Variants in BTRC observed in about 807,000 individuals in gnomAD.
BTRC encodes F-box/WD repeat-containing protein 1A.
A neutral mutation model predicts 85.5 loss-of-function variants in BTRC; 42 were observed. The ratio of observed to expected loss-of-function variants is 0.49; its 90% confidence interval spans 0.38 to 0.64. The LOEUF is 0.64. Ranked by LOEUF, BTRC falls within the 30% of genes least tolerant of loss-of-function variation. The pLI, the probability that BTRC is intolerant of heterozygous loss-of-function variation, is 0.00. For synonymous variants in BTRC, 255 were observed against 263.3 expected (o/e 0.97, Z 0.30); for missense variants, 594 against 743.5 (o/e 0.80, Z 2.34).
At chr10:101,485,576 G>A (rs769683253) in intron 4 of BTRC, among the ~76,000 whole-genome samples, 15 of 152,124 alleles carry the variant, frequency 9.9e-5, no homozygotes, top group East Asian at 1.9e-4. Flanking sequence ...TAAAACTTTC[G>A]GTAGTTCTTT....
intron 13 of BTRC, among the ~76,000 whole-genome samples, chr10:101,548,964 A>G (rs1343588197): frequency 1.3e-5 from 2 of 151,332 alleles, no homozygotes; most frequent in Non-Finnish European, 2.9e-5. Flanking sequence ...GAGGCAGGAG[A>G]ATCGCTTGAA....
chr10:101,365,519 A>G (rs1207145975), intron 1 of BTRC, among the ~76,000 whole-genome samples: 1 of 151,652 alleles, frequency 6.6e-6, no homozygotes, highest in African/African-American at 2.4e-5. Flanking sequence ...CTTGTTGCAC[A>G]GGCTGGAGTG....
intron 4 of BTRC, among the ~76,000 whole-genome samples, chr10:101,484,607 C>T: frequency 6.6e-6 from 1 of 152,186 alleles, no homozygotes; most frequent in East Asian, 1.9e-4. Flanking sequence ...TAACAGGCTT[C>T]TTTAAGATAC....
intron 1 of BTRC, among the ~76,000 whole-genome samples, chr10:101,393,838 A>G (rs1943297616): frequency 6.6e-6 from 1 of 152,210 alleles, no homozygotes; most frequent in South Asian, 2.1e-4. Flanking sequence ...ATGAAAATGC[A>G]TTGTGGCAGA....
intron 1 of BTRC, among the ~76,000 whole-genome samples, chr10:101,387,908 T>C (rs750131887): frequency 6.6e-6 from 1 of 152,110 alleles, no homozygotes; most frequent in Non-Finnish European, 1.5e-5. Flanking sequence ...CAGGCTGGTC[T>C]TGAACTCCTG....
intron 1 of BTRC, among the ~76,000 whole-genome samples, chr10:101,358,619 A>T (rs976370412): frequency 6.6e-6 from 1 of 152,226 alleles, no homozygotes; most frequent in Admixed American, 6.5e-5. Flanking sequence ...CTCAAATCTG[A>T]TGGTTTTTCT....
intron 14 of BTRC, 79 bp downstream of exon 14, chr10:101,550,970 C>CT: frequency 7.5e-7 from 1 of 1,336,628 alleles, no homozygotes. Context: ...GTTCATGGAA[C>CT]TTTCTCCTGC....
At chr10:101,539,968 A>C (rs1054929792) in intron 13 of BTRC, among the ~76,000 whole-genome samples, 1 of 152,122 alleles carries the variant, frequency 6.6e-6, no homozygotes, top group Non-Finnish European at 1.5e-5. Flanking sequence ...ATCTTTTCCC[A>C]TTTTTTAATT....
intron 1 of BTRC, among the ~76,000 whole-genome samples, chr10:101,377,328 G>A (rs934093401): frequency 2.0e-5 from 3 of 152,192 alleles, no homozygotes; most frequent in African/African-American, 7.2e-5. Context: ...TCTGGTTTTG[G>A]TGATTATAAA....
At chr10:101,391,354 G>T (rs570014596) in intron 1 of BTRC, among the ~76,000 whole-genome samples, 2 of 152,280 alleles carry the variant, frequency 1.3e-5, no homozygotes, top group South Asian at 4.1e-4. Flanking sequence ...TGGAAGTAGA[G>T]ATCTAATTTA....
chr10:101,526,083 A>G lies in BTRC; in HGVS notation c.627A>G (p.Glu209=). The change falls in exon 6 of 15, where the codon GAA becomes GAG. Residue 209 remains glutamate, a synonymous_variant. Coordinates refer to ENST00000370187, the MANE Select transcript of BTRC (RefSeq NM_033637.4). ...YLDAKSLCAA[E]LVCKEWYRVT... Reference sequence around the variant, plus strand: ...ATGCCAAATCACTATGTGCTGCTGAACTTGTGTGCAAGGAATGGTACCGAG... The same window carrying G: ...ATGCCAAATCACTATGTGCTGCTGAGCTTGTGTGCAAGGAATGGTACCGAG... 2 of 1,614,142 alleles carry G rather than the reference A, an allele frequency of 1.2e-6. No individual in the cohort carries two copies. The highest frequency in any genetic ancestry group is 1.3e-5 in the African/African-American group (1 of 75,018).
At chr10:101,497,129 A>G (rs1946281758) in intron 4 of BTRC, among the ~76,000 whole-genome samples, 1 of 152,160 alleles carries the variant, frequency 6.6e-6, no homozygotes, top group African/African-American at 2.4e-5. Context: ...TTCCAGTGTG[A>G]TACCCAGTTG....
chr10:101,367,423 G>A (rs1274314253), intron 1 of BTRC, among the ~76,000 whole-genome samples: 3 of 151,962 alleles, frequency 2.0e-5, no homozygotes, highest in Non-Finnish European at 4.4e-5. Context: ...ATGTGTTAAT[G>A]TGAGCTTTTT....
Position 101,556,759 on chromosome 10 carries a change from A to C in BTRC, c.*3636A>C, listed in dbSNP as rs1198041856. Reference sequence around the variant, plus strand: ...TGGAACTTAATGCATTGATCTTTAGAAGCTCCTTCTGTTGGAAGTTGAGTA... The same window carrying C: ...TGGAACTTAATGCATTGATCTTTAGCAGCTCCTTCTGTTGGAAGTTGAGTA... On this transcript the variant is annotated 3_prime_UTR_variant, in exon 15 of 15. Transcript: ENST00000370187. The C allele has an allele frequency of 2.0e-5, 3 of 152,248 alleles. No individual in the cohort carries two copies. Among genetic ancestry groups the C allele is most frequent in the Non-Finnish European group, 4.4e-5 (3 of 68,046 alleles). 9.4% of individuals were successfully genotyped at this position (152,248 alleles called of 1,614,324 possible).
At chr10:101,529,768 G>A (rs2062252530) in intron 6 of BTRC, among the ~76,000 whole-genome samples, 2 of 152,288 alleles carry the variant, frequency 1.3e-5, no homozygotes, top group South Asian at 4.1e-4. Flanking sequence ...ATATAACAGG[G>A]AGAGGGCAGG....
At chr10:101,428,834 A>G (rs896840872) in intron 1 of BTRC, among the ~76,000 whole-genome samples, 2 of 152,160 alleles carry the variant, frequency 1.3e-5, no homozygotes, top group South Asian at 2.1e-4. Flanking sequence ...TTATCTATCT[A>G]TCTTTATTTA....
intron 4 of BTRC, among the ~76,000 whole-genome samples, chr10:101,489,891 G>A (rs1316890025): frequency 6.6e-6 from 1 of 152,076 alleles, no homozygotes; most frequent in Non-Finnish European, 1.5e-5. Context: ...TGGCTGAATG[G>A]CCAAGAAACT....
intron 4 of BTRC, among the ~76,000 whole-genome samples, chr10:101,519,590 G>C (rs894344996): frequency 1.3e-5 from 2 of 152,176 alleles, no homozygotes; most frequent in African/African-American, 4.8e-5. Context: ...ATCCACCTGA[G>C]TAATCTCCTT....
chr10:101,532,783 T>TGCGCGC (rs1355294635), intron 8 of BTRC, among the ~76,000 whole-genome samples, 169 bp from the exon 9 acceptor site: 1 of 80,010 alleles, frequency 1.2e-5, no homozygotes, highest in East Asian at 7.7e-4. Flanking sequence ...TGTGTGTGTG[T>TGCGCGC]GTGTGTGCGC....
Sources: allele counts gnomAD v4.1 joint callset (sites outside exome capture counted in the v4.1 genomes callset), GRCh38; gene constraint gnomAD v4.1.1; transcripts MANE v1.5; gene names NCBI Gene and HGNC (gene_info 2026-07-23, HGNC 2026-07-21).